The following ETNK1 variants were observed in gnomAD, a reference collection of about 807,000 sequenced individuals.
The protein encoded by ETNK1 is putative protein product of Nbla10396.
Under a neutral mutation model 45.1 loss-of-function variants are expected in ETNK1, and 8 were observed. The observed-to-expected ratio is 0.18, with a 90% CI of 0.10 to 0.32. ETNK1 has a LOEUF of 0.32. Ranked by LOEUF, ETNK1 falls within the 10% of genes least tolerant of loss-of-function variation. The pLI, the probability that ETNK1 is intolerant of heterozygous loss-of-function variation, is 1.00. For synonymous variants in ETNK1, 152 were observed against 151.9 expected (o/e 1.00, Z -0.01); for missense variants, 302 against 430.6 (o/e 0.70, Z 2.64).
chr12:22,656,922 A>AAG, intron 2 of ETNK1: 3 of 564,320 alleles, frequency 5.3e-6, no homozygotes, highest in African/African-American at 2.0e-5. Flanking sequence ...CATGTAACAC[A>AAG]GATTGTATCT....
chr12:22,645,459 C>A (rs1953795694), intron 2 of ETNK1, among the ~76,000 whole-genome samples: 1 of 151,754 alleles, frequency 6.6e-6, no homozygotes, highest in African/African-American at 2.4e-5. Context: ...ATGTTATAAA[C>A]ATGTTTTCAG....
At chr12:22,659,929 T>C (rs183501465) in intron 3 of ETNK1, among the ~76,000 whole-genome samples, 1 of 152,010 alleles carries the variant, frequency 6.6e-6, no homozygotes, top group East Asian at 1.9e-4. Context: ...TAAAACACAA[T>C]TAAAATATTA....
intron 1 of ETNK1, among the ~76,000 whole-genome samples, chr12:22,636,492 A>C (rs1953656920): frequency 6.6e-6 from 1 of 152,130 alleles, no homozygotes; most frequent in Admixed American, 6.5e-5. Flanking sequence ...TCAATCCCTT[A>C]GTCATTATAA....
chr12:22,660,334 T>C (rs997592761), intron 3 of ETNK1, among the ~76,000 whole-genome samples: 1 of 152,158 alleles, frequency 6.6e-6, no homozygotes, highest in African/African-American at 2.4e-5. Flanking sequence ...ATTGGTGCTA[T>C]TGAGGAATTA....
chr12:22,665,896 G>A (rs575572930), intron 4 of ETNK1, among the ~76,000 whole-genome samples: 3 of 152,104 alleles, frequency 2.0e-5, no homozygotes, highest in Admixed American at 6.5e-5. Context: ...CAGTTTAAGT[G>A]CAACTTTCAG....
chr12:22,665,277 T>A (rs934961045), intron 4 of ETNK1, among the ~76,000 whole-genome samples: 2 of 152,182 alleles, frequency 1.3e-5, no homozygotes, highest in Admixed American at 6.5e-5. Flanking sequence ...TTTGGATTTC[T>A]TGGCCCCACC....
At chr12:22,637,852 A>G (rs928399967) in intron 1 of ETNK1, among the ~76,000 whole-genome samples, 11 of 145,928 alleles carry the variant, frequency 7.5e-5, no homozygotes, top group Admixed American at 6.1e-4. Context: ...AGATAGGAGA[A>G]GTGACAGAGC....
In ETNK1 at chr12:22,648,722, C is replaced by T. The variant is rs150273869; in HGVS notation, c.416+4700C>T. Among the ~76,000 whole-genome samples the T allele has an allele frequency of 2.9e-3, 436 of 152,094 alleles. 1 individual carries two copies. The highest frequency in any genetic ancestry group is 2.9e-3 in the Non-Finnish European group (199 of 67,902). ...ATGTAGACATACAAATTTTTAACTC[C>T]TTTGGGTAAATGCTGACGAGCATGA... On this transcript the variant is annotated intron_variant, in intron 2 of 7. Transcript: ENST00000266517.
intron 5 of ETNK1, 36 bp downstream of exon 5, chr12:22,671,391 C>T (rs769542380): frequency 1.1e-5 from 14 of 1,254,186 alleles, no homozygotes; most frequent in South Asian, 6.1e-5. Context: ...AGCTTTGAAA[C>T]GATATTTTCA....
chr12:22,653,740 T>A (rs1180122527), intron 2 of ETNK1, among the ~76,000 whole-genome samples: 1 of 152,216 alleles, frequency 6.6e-6, no homozygotes, highest in Non-Finnish European at 1.5e-5. Context: ...GTAAAAACTG[T>A]AAATTTTCTT....
chr12:22,656,679 C>T, intron 2 of ETNK1: 1 of 985,214 alleles, frequency 1.0e-6, no homozygotes, highest in Non-Finnish European at 1.2e-6. Context: ...CACGTGTGTC[C>T]CCTTTGCAAA....
intron 4 of ETNK1, among the ~76,000 whole-genome samples, chr12:22,662,612 G>A (rs992806140): frequency 6.6e-6 from 1 of 151,908 alleles, no homozygotes; most frequent in African/African-American, 2.4e-5. Context: ...TGCCCAGGCT[G>A]GTTTTGAATT....
intron 2 of ETNK1, among the ~76,000 whole-genome samples, chr12:22,648,738 A>G (rs186324246): frequency 3.4e-4 from 51 of 152,180 alleles, no homozygotes; most frequent in South Asian, 2.1e-3. Flanking sequence ...GTAAATGCTG[A>G]CGAGCATGAT....
At chr12:22,658,240 CAAAG>C (rs1409774438) in intron 2 of ETNK1, among the ~76,000 whole-genome samples, 4 of 151,866 alleles carry the variant, frequency 2.6e-5, no homozygotes, top group South Asian at 2.1e-4. Context: ...AGAGGGGCCT[CAAAG>C]AGAGAGAGAA....
chr12:22,628,417 A>G (rs1452582270), intron 1 of ETNK1, among the ~76,000 whole-genome samples: 1 of 152,100 alleles, frequency 6.6e-6, no homozygotes, highest in Non-Finnish European at 1.5e-5. Flanking sequence ...ATAAATTTGC[A>G]TTACTTTTTT....
chr12:22,633,823 A>G (rs1953616092), intron 1 of ETNK1, among the ~76,000 whole-genome samples: 1 of 152,154 alleles, frequency 6.6e-6, no homozygotes, highest in Non-Finnish European at 1.5e-5. Context: ...ATATAGGATT[A>G]TAATTAATTG....
intron 3 of ETNK1, among the ~76,000 whole-genome samples, chr12:22,659,563 T>A (rs1953978418): frequency 6.6e-6 from 1 of 152,154 alleles, no homozygotes; most frequent in East Asian, 1.9e-4. Context: ...TAGTTAACAT[T>A]TCTGTTGTGT....
chr12:22,660,035 A>G (rs1248262256), intron 3 of ETNK1, among the ~76,000 whole-genome samples: 1 of 102,734 alleles, frequency 9.7e-6, no homozygotes, highest in East Asian at 2.5e-4. Flanking sequence ...CACTACCTTT[A>G]AAAAAAAAAA....
At position 22,625,800 on chromosome 12, in the gene ETNK1, TTTTCTC is replaced by T. The variant is rs1477394763; in HGVS notation, c.156+220_156+225del. On this transcript the variant is annotated intron_variant, in intron 1 of 7. Transcript: ENST00000266517. ...CTCTTTGAGATTGACCTGAGGCACA[TTTTCTC>T]TTTCTAGAAGCCGCTGCGTAAGTGA... The T allele has an allele frequency of 9.1e-6, 7 of 769,324 alleles. No individual in the cohort carries two copies. The African/African-American group carries it at 1.2e-4, about 13-fold the overall frequency. 47.7% of individuals were successfully genotyped at this position (769,324 alleles called of 1,614,324 possible). A position where few individuals can be genotyped will look rare whatever the true frequency, so the allele number is the denominator to read the frequency against.
Sources: allele counts gnomAD v4.1 joint callset (sites outside exome capture counted in the v4.1 genomes callset), GRCh38; gene constraint gnomAD v4.1.1; transcripts MANE v1.5; gene names NCBI Gene and HGNC (gene_info 2026-07-23, HGNC 2026-07-21).